The following ADARB2 variants were observed in gnomAD, a reference collection of about 807,000 sequenced individuals.
The protein encoded by ADARB2 is adenosine deaminase RNA specific B2 (inactive).
Under a neutral mutation model 62.2 loss-of-function variants are expected in ADARB2, and 25 were observed. That is an observed-to-expected ratio of 0.40 (90% CI 0.29 to 0.56). The LOEUF (loss-of-function observed/expected upper bound fraction) is 0.56. ADARB2 is among the 20% of genes least tolerant of loss of function. The pLI, the probability that ADARB2 is intolerant of heterozygous loss-of-function variation, is 0.43. For missense variants in ADARB2, 1,071 were observed against 1,077.4 expected (o/e 0.99, Z 0.08); for synonymous variants, 572 against 500.8 (o/e 1.14, Z -1.90).
intron 2 of ADARB2, 119 bp downstream of exon 2, chr10:1,378,955 T>C (rs1232873563): frequency 1.2e-6 from 1 of 810,598 alleles, no homozygotes; most frequent in African/African-American, 1.7e-5. Flanking sequence ...TCTCTCCAGG[T>C]AAGACCAAAC....
chr10:1,290,803 C>A (rs568097263), intron 3 of ADARB2: 1 of 152,350 alleles, frequency 6.6e-6, no homozygotes, highest in Admixed American at 6.5e-5. Context: ...TAGCAATCAA[C>A]TTCAAATTTG....
chr10:1,348,709 C>T (rs1027235435), intron 3 of ADARB2, among the ~76,000 whole-genome samples: 2 of 152,192 alleles, frequency 1.3e-5, no homozygotes, highest in Non-Finnish European at 2.9e-5. Context: ...GGGTCCAGGT[C>T]CCGACTGCTG....
intron 1 of ADARB2, among the ~76,000 whole-genome samples, chr10:1,448,407 T>C (rs1223656298): frequency 6.6e-6 from 1 of 152,208 alleles, no homozygotes; most frequent in African/African-American, 2.4e-5. Context: ...CACAGCTCCT[T>C]CTGTCACCTG....
intron 1 of ADARB2, 75 bp from the exon 2 acceptor site, chr10:1,379,235 T>A: frequency 8.0e-7 from 1 of 1,243,832 alleles, no homozygotes; most frequent in Non-Finnish European, 1.2e-6. Context: ...TAAGTTCTTA[T>A]TACTGAATGT....
intron 1 of ADARB2, among the ~76,000 whole-genome samples, chr10:1,443,257 C>A (rs1830925527): frequency 1.3e-5 from 2 of 152,108 alleles, no homozygotes; most frequent in Admixed American, 1.3e-4. Context: ...GCTTTTGCCC[C>A]ATTTCATGTG....
chr10:1,614,897 C>T (rs1833612555), intron 1 of ADARB2, among the ~76,000 whole-genome samples: 3 of 143,116 alleles, frequency 2.1e-5, no homozygotes, highest in South Asian at 2.3e-4. Context: ...GGTGACAGAG[C>T]GAGACTCTGA....
At position 1,297,031 on chromosome 10, in the gene ADARB2, T is replaced by C. The variant is rs147683703; in HGVS notation, c.1078-25962A>G. Among the ~76,000 whole-genome samples the C allele has an allele frequency of 5.7e-3, 866 of 152,342 alleles. 5 individuals are homozygous for C. Among genetic ancestry groups the C allele is most frequent in the African/African-American group, 0.02 (814 of 41,576 alleles). On this transcript the variant is annotated intron_variant, in intron 3 of 9. Coordinates refer to ENST00000381312, the MANE Select transcript of ADARB2 (RefSeq NM_018702.4). Reference sequence around the variant, plus strand: ...TTCTTTTCCTCCTATACAAAATACCTATCTAAACACAAACAAAAATAAGTA... The same window carrying C: ...TTCTTTTCCTCCTATACAAAATACCCATCTAAACACAAACAAAAATAAGTA...
intron 1 of ADARB2, among the ~76,000 whole-genome samples, chr10:1,715,691 C>CA (rs377338657): frequency 1.1e-4 from 17 of 152,086 alleles, no homozygotes; most frequent in African/African-American, 2.4e-4. Flanking sequence ...TAATTTTATG[C>CA]AAAAAAACAA....
At chr10:1,451,904 A>G (rs969004008) in intron 1 of ADARB2, among the ~76,000 whole-genome samples, 16 of 152,220 alleles carry the variant, frequency 1.1e-4, no homozygotes, top group African/African-American at 3.9e-4. Flanking sequence ...GGGAAGTTCC[A>G]GCATTTTGTT....
intron 3 of ADARB2, among the ~76,000 whole-genome samples, chr10:1,277,864 T>A (rs983114013): frequency 6.6e-6 from 1 of 152,242 alleles, no homozygotes; most frequent in Non-Finnish European, 1.5e-5. Flanking sequence ...AATAAAATAC[T>A]GGCAAACCGA....
intron 1 of ADARB2, among the ~76,000 whole-genome samples, chr10:1,658,698 T>C (rs1230525171): frequency 6.6e-6 from 1 of 152,246 alleles, no homozygotes; most frequent in African/African-American, 2.4e-5. Flanking sequence ...CGATGAGGTC[T>C]AAGGAGCAAC....
intron 1 of ADARB2, among the ~76,000 whole-genome samples, chr10:1,394,647 G>A (rs898875641): frequency 1.3e-5 from 2 of 152,188 alleles, no homozygotes; most frequent in Non-Finnish European, 2.9e-5. Flanking sequence ...GGTGGGTCAC[G>A]AGCCACAGAG....
chr10:1,352,201 C>T (rs1274547317), intron 3 of ADARB2, among the ~76,000 whole-genome samples: 1 of 151,986 alleles, frequency 6.6e-6, no homozygotes, highest in African/African-American at 2.4e-5. Context: ...CTCTCCCTGC[C>T]AATTGTGTCC....
In ADARB2 at chr10:1,183,298, G is replaced by C. The variant is rs1192295087; in HGVS notation, c.2115C>G (p.Thr705=). The C allele has an allele frequency of 2.5e-6, 4 of 1,614,090 alleles. No individual in the cohort carries two copies. The highest frequency in any genetic ancestry group is 3.3e-5 in the Admixed American group (2 of 60,010). ...MYCEAKLGAH[T]YQSVKQQLFK... ...ACAGCTGCTGTTTCACAGACTGGTA[G>C]GTGTGCGCCCCCAGCTTGGCCTCAC... Residue 705 remains threonine (T), a synonymous_variant, in exon 10 of 10, where the codon ACC becomes ACG. Coordinates refer to ENST00000381312, the MANE Select transcript of ADARB2 (RefSeq NM_018702.4).
At chr10:1,449,532 A>C (rs1432260087) in intron 1 of ADARB2, among the ~76,000 whole-genome samples, 2 of 152,204 alleles carry the variant, frequency 1.3e-5, no homozygotes, top group African/African-American at 4.8e-5. Flanking sequence ...CCTCTGCACT[A>C]GCACATCAGA....
At chr10:1,620,607 G>A (rs1421095689) in intron 1 of ADARB2, among the ~76,000 whole-genome samples, 1 of 152,132 alleles carries the variant, frequency 6.6e-6, no homozygotes, top group South Asian at 2.1e-4. Context: ...AAGGGGAGAC[G>A]ACTCTCCATT....
chr10:1,576,057 AGG>A (rs1833012224), intron 1 of ADARB2, among the ~76,000 whole-genome samples: 1 of 16,040 alleles, frequency 6.2e-5, no homozygotes, highest in African/African-American at 3.0e-4. Context: ...TCAGGGTCAC[AGG>A]AGGGGGCCCA....
intron 1 of ADARB2, among the ~76,000 whole-genome samples, chr10:1,465,943 C>T (rs766245503): frequency 6.6e-6 from 1 of 152,258 alleles, no homozygotes. Context: ...TTGCAATAAA[C>T]TGCTTTCTAC....
intron 8 of ADARB2, among the ~76,000 whole-genome samples, chr10:1,192,062 C>G (rs1431966998): frequency 6.6e-6 from 1 of 152,112 alleles, no homozygotes; most frequent in African/African-American, 2.4e-5. Context: ...TAAAAAGATG[C>G]CTGACTTGAA....
Sources: allele counts gnomAD v4.1 joint callset (sites outside exome capture counted in the v4.1 genomes callset), GRCh38; gene constraint gnomAD v4.1.1; transcripts MANE v1.5; gene names NCBI Gene and HGNC (gene_info 2026-07-23, HGNC 2026-07-21).